Variants in ZACN observed in about 807,000 individuals in gnomAD.
ZACN encodes ligand-gated cation channel ZACN.
ZACN carries 52 observed loss-of-function variants against 38.9 expected under a neutral mutation model. The ratio of observed to expected loss-of-function variants is 1.34; its 90% CI spans 1.07 to 1.68. ZACN has a LOEUF of 1.68. Ranked by LOEUF, ZACN falls within the 40% of genes most tolerant of loss-of-function variation. The pLI is 0.00. For missense variants in ZACN, 559 were observed against 525.6 expected, an observed-to-expected ratio of 1.06 and a Z score of -0.62; for synonymous variants, 235 against 227.4, an observed-to-expected ratio of 1.03 and a Z score of -0.30.
intron 4 of ZACN, 121 bp from the exon 5 acceptor site, chr17:76,080,134 A>T: frequency 6.8e-7 from 1 of 1,468,396 alleles, no homozygotes; most frequent in African/African-American, 1.4e-5. Context: ...CACTGCCTCG[A>T]ATTCCCCTCC....
chr17:76,079,450 C>T lies in ZACN; in HGVS notation c.109C>T (p.Leu37Phe). ...CTTTTCTCTCTCAGTCTGGCCATCC[C>T]TCTTCAACGTCAACTTGTCCAAGAA... is the stretch of plus-strand genomic sequence containing the variant. ...FQGTAAIWPS[L>F]FNVNLSKKVQ... Residue 37 changes from leucine (L) to phenylalanine (F), a missense_variant, in exon 2 of 9, where the codon CTC becomes TTC. Transcript: ENST00000334586. The T allele has an allele frequency of 6.2e-7, 1 of 1,614,206 alleles. No individual in the cohort carries two copies. The highest frequency in any genetic ancestry group is 8.5e-7 in the Non-Finnish European group (1 of 1,180,034).
chr17:76,081,756 G>A lies in ZACN; in HGVS notation c.880+1G>A, dbSNP rs917888756. 1 of 1,613,940 alleles carries A rather than the reference G, an allele frequency of 6.2e-7. No homozygotes were observed. Among genetic ancestry groups the A allele is most frequent in the Non-Finnish European group, 8.5e-7 (1 of 1,180,008 alleles). ...TCCTCCTCCTGCAACCCACTGCTCA[G>A]TAAGCCCTGCTCCCTTACCCAGTCT... On this transcript the variant is annotated splice_donor_variant, in intron 7 of 8. Transcript: ENST00000334586. LOFTEE classifies it high-confidence loss of function.
At chr17:76,081,023 G>T in intron 5 of ZACN, 1 of 454,388 alleles carries the variant, frequency 2.2e-6, no homozygotes, top group South Asian at 2.0e-5. Flanking sequence ...TCATGAAGTG[G>T]TGCAAAGTAC....
At chr17:76,079,598 A>C (rs1287503629) in intron 2 of ZACN, 35 bp downstream of exon 2, 1 of 1,613,916 alleles carries the variant, frequency 6.2e-7, no homozygotes, top group Non-Finnish European at 8.5e-7. Flanking sequence ...CCAAGTGCTG[A>C]GCTGGGCAGG....
At position 76,081,982 on chromosome 17, in the gene ZACN, CGGCCCCAGCCCAGCCCCGAGAGG is replaced by C; in HGVS notation, c.984_1006del (p.Pro329ThrfsTer13). The C allele has an allele frequency of 1.9e-6, 3 of 1,612,166 alleles. No homozygotes were observed. Among genetic ancestry groups the C allele is most frequent in the Non-Finnish European group, 2.5e-6 (3 of 1,179,604 alleles). On this transcript the variant is annotated frameshift_variant, in exon 8 of 9. Coordinates refer to ENST00000334586, the MANE Select transcript of ZACN (RefSeq NM_180990.4). LOFTEE classifies it high-confidence loss of function. The stretch of plus-strand genomic sequence containing the variant: ...CCCGGGGCAACCTTGGGGCCAAGAG[CGGCCCCAGCCCAGCCCCGAGAGG>C]GGAACAGCGAGAGCACGGCAACCCA...
In ZACN at chr17:76,079,294, C is replaced by T. The variant is rs1298988323; in HGVS notation, c.30C>T (p.Leu10=). The T allele has an allele frequency of 2.5e-6, 4 of 1,613,954 alleles. No individual in the cohort carries two copies. Among genetic ancestry groups the T allele is most frequent in the African/African-American group, 1.3e-5 (1 of 74,928 alleles). Residue 10 remains leucine (L), a synonymous_variant, in exon 1 of 9, where the codon CTC becomes CTT. Transcript: ENST00000334586. The part of the protein sequence containing the change: MMALWSLLH[L]TFLGFSITLL... The stretch of plus-strand genomic sequence containing the variant: ...TGGCCCTATGGTCCCTGCTCCATCT[C>T]ACCTTCCTGGGGTTCAGCATTACCT...
At chr17:76,080,781 C>A (rs1398746335) in intron 5 of ZACN, 1 of 488,578 alleles carries the variant, frequency 2.0e-6, no homozygotes, top group South Asian at 1.6e-5. Flanking sequence ...ACAGCCATGG[C>A]GACTGCAGTG....
Position 76,082,655 on chromosome 17 carries a change from G to A in ZACN, c.*2G>A. 6.2e-7 allele frequency: 1 copy of A among 1,608,348 alleles called. No individual in the cohort carries two copies. The highest frequency in any genetic ancestry group is 8.5e-7 in the Non-Finnish European group (1 of 1,177,640). ...CATGGCAGGCGGCCTAGACTGTAAA[G>A]GGGCAGGGCCTGGGCTGCACACCTT... On this transcript the variant is annotated 3_prime_UTR_variant, in exon 9 of 9. Coordinates refer to ENST00000334586, the MANE Select transcript of ZACN (RefSeq NM_180990.4).
At position 76,081,564 on chromosome 17, in the gene ZACN, C is replaced by A; in HGVS notation, c.689C>A (p.Ala230Glu). The A allele has an allele frequency of 1.2e-6, 2 of 1,613,696 alleles. No homozygotes were observed. The highest frequency in any genetic ancestry group is 4.5e-5 in the East Asian group (2 of 44,878). Residue 230 changes from alanine (A) to glutamate (E), a missense_variant, in exon 7 of 9, where the codon GCG becomes GAG. Physicochemically the swap from Ala to Glu is moderately radical, Grantham distance 107. Transcript: ENST00000334586. Reference protein sequence around the residue: ...FQVTLRLKNTALKSIIALLVP... With the variant: ...FQVTLRLKNTELKSIIALLVP... Reference sequence around the variant, plus strand: ...TTCCAGCTGAGGCTGAAGAACACGGCGCTCAAGTCCATCATCGCTCTCTTG... The same window carrying A: ...TTCCAGCTGAGGCTGAAGAACACGGAGCTCAAGTCCATCATCGCTCTCTTG...
At chr17:76,080,507 G>A (rs1377267692) in intron 5 of ZACN, 83 bp downstream of exon 5, 3 of 1,563,986 alleles carry the variant, frequency 1.9e-6, no homozygotes, top group Non-Finnish European at 2.6e-6. Flanking sequence ...TGGTGCAGGG[G>A]CAGGGTGCGG....
intron 5 of ZACN, 127 bp from the exon 6 acceptor site, chr17:76,081,151 G>A (rs2066951996): frequency 7.3e-7 from 1 of 1,375,330 alleles, no homozygotes; most frequent in African/African-American, 1.5e-5. Context: ...TCGGTTTTGT[G>A]TCCAAGTCTG....
intron 5 of ZACN, chr17:76,080,668 G>A: frequency 4.5e-6 from 3 of 661,642 alleles, no homozygotes; most frequent in South Asian, 1.5e-5. Context: ...GGTAGCCTCA[G>A]GGCCCCTCTC....
chr17:76,079,486 AG>A lies in ZACN; in HGVS notation c.146del (p.Ser49ThrfsTer91). ...NVNLSKKVQE[S>X]IQIPNNGSAP... ...CAACTTGTCCAAGAAGGTTCAGGAA[AG>A]CATCCAGATCCCGAACAATGGGAGT... On this transcript the variant is annotated frameshift_variant, in exon 2 of 9. Coordinates refer to ENST00000334586, the MANE Select transcript of ZACN (RefSeq NM_180990.4). LOFTEE classifies it high-confidence loss of function. 6.2e-7 allele frequency: 1 copy of A among 1,614,162 alleles called. No individual in the cohort carries two copies. Among genetic ancestry groups the A allele is most frequent in the Non-Finnish European group, 8.5e-7 (1 of 1,180,028 alleles).
rs760460725 is a variant in ZACN at position 76,081,750 on chromosome 17, T to C, written c.875T>C (p.Leu292Pro). 1.2e-6 allele frequency: 2 copies of C among 1,614,028 alleles called. No homozygotes were observed. Among genetic ancestry groups the C allele is most frequent in the South Asian group, 2.2e-5 (2 of 91,080 alleles). ...ALPSSSSCNP[L>P]LIYYFTILLL... Reference sequence around the variant, plus strand: ...CCCAGCTCCTCCTCCTGCAACCCACTGCTCAGTAAGCCCTGCTCCCTTACC... The same window carrying C: ...CCCAGCTCCTCCTCCTGCAACCCACCGCTCAGTAAGCCCTGCTCCCTTACC... Residue 292 changes from leucine (L) to proline (P), a missense_variant, in exon 7 of 9, where the codon CTG (leucine) becomes CCG (proline). Coordinates refer to ENST00000334586, the MANE Select transcript of ZACN (RefSeq NM_180990.4).
In ZACN at chr17:76,082,761, C is replaced by A. The variant is rs560561955; in HGVS notation, c.*108C>A. On this transcript the variant is annotated 3_prime_UTR_variant, in exon 9 of 9. Transcript: ENST00000334586. ...TAAGCCACCCTGAGCTCTCCCTCCG[C>A]TAGCACACAAGCACAGAGCGTGAAA... 1.5e-5 allele frequency: 16 copies of A among 1,092,914 alleles called. No individual in the cohort carries two copies. The highest frequency in any genetic ancestry group is 2.8e-5 in the Admixed American group (1 of 35,130). 67.7% of individuals were successfully genotyped at this position (1,092,914 alleles called of 1,614,324 possible).
intron 4 of ZACN, 29 bp from the exon 5 acceptor site, chr17:76,080,226 G>A: frequency 6.3e-7 from 1 of 1,595,278 alleles, no homozygotes; most frequent in South Asian, 1.1e-5. Context: ...AAGGGGCTGG[G>A]GCTCTGGCTG....
In ZACN at chr17:76,081,764, T is replaced by C; in HGVS notation, c.880+9T>C. On this transcript the variant is annotated intron_variant, in intron 7 of 8. Coordinates refer to ENST00000334586, the MANE Select transcript of ZACN (RefSeq NM_180990.4). ...CTGCAACCCACTGCTCAGTAAGCCC[T>C]GCTCCCTTACCCAGTCTGCCCTGTT... 1 of 1,614,056 alleles carries C rather than the reference T, an allele frequency of 6.2e-7. No homozygotes were observed. The highest frequency in any genetic ancestry group is 2.2e-5 in the East Asian group (1 of 44,878).
chr17:76,081,459 G>A lies in ZACN; in HGVS notation c.669+57G>A, dbSNP rs542726890. 3 of 1,611,622 alleles carry A rather than the reference G, an allele frequency of 1.9e-6. No homozygotes were observed. In the East Asian group the frequency reaches 6.7e-5, roughly 36 times the overall value. On this transcript the variant is annotated intron_variant, in intron 6 of 8. Transcript: ENST00000334586. ...GCTGCTGGAGGCGGGTGGGAGTGAG[G>A]ATGCACGGCCAGAGGCCAGGCCCCA...
Position 76,079,932 on chromosome 17 carries a change from G to A in ZACN, c.312G>A (p.Pro104=), listed in dbSNP as rs752991699. Residue 104 remains proline, a synonymous_variant, in exon 4 of 9, where the codon CCG becomes CCA. Transcript: ENST00000334586. ...TGGCCTGGAACACTAGTGCACACCCGCGGCACGCCATCACGCTGCCCTGGG... is the reference window on the plus strand; with the variant it reads ...TGGCCTGGAACACTAGTGCACACCCACGGCACGCCATCACGCTGCCCTGGG... The part of the protein sequence containing the change: ...TRLAWNTSAH[P]RHAITLPWES... The A allele has an allele frequency of 2.8e-5, 45 of 1,600,628 alleles. No individual in the cohort carries two copies. Among genetic ancestry groups the A allele is most frequent in the African/African-American group, 8.1e-5 (6 of 74,488 alleles).
Sources: allele counts gnomAD v4.1 joint callset, GRCh38; gene constraint gnomAD v4.1.1; transcripts MANE v1.5; gene names NCBI Gene and HGNC (gene_info 2026-07-23, HGNC 2026-07-21).